The following LARS2 variants were observed in gnomAD, a reference collection of about 807,000 sequenced individuals.
LARS2 encodes leucine--tRNA ligase, mitochondrial.
Under a neutral mutation model 116.6 loss-of-function variants are expected in LARS2, and 81 were observed. That is an observed-to-expected ratio of 0.69 (90% confidence interval 0.58 to 0.84). The LOEUF is 0.84. Among genes scored for constraint, LARS2 ranks in the 40% least tolerant of loss-of-function variants. LARS2 has a pLI of 0.00. For synonymous variants in LARS2, 396 were observed against 407.2 expected, an observed-to-expected ratio of 0.97 and a Z score of 0.33; for missense variants, 968 against 1,114.5, an observed-to-expected ratio of 0.87 and a Z score of 1.87.
At chr3:45,512,647 T>C (rs541456885) in intron 15 of LARS2, among the ~76,000 whole-genome samples, 3 of 152,348 alleles carry the variant, frequency 2.0e-5, no homozygotes, top group South Asian at 2.1e-4. Flanking sequence ...ATCCCACTTA[T>C]ATAAATCCCC....
chr3:45,502,293 CT>C (rs1236036211), intron 15 of LARS2, among the ~76,000 whole-genome samples: 1 of 151,750 alleles, frequency 6.6e-6, no homozygotes, highest in Non-Finnish European at 1.5e-5. Flanking sequence ...GATACTAATC[CT>C]TTTTCAGCTA....
At chr3:45,531,539 G>A (rs184725652) in intron 20 of LARS2, among the ~76,000 whole-genome samples, 392 of 151,554 alleles carry the variant, frequency 2.6e-3, no homozygotes, top group African/African-American at 9.0e-3. Flanking sequence ...CCCTACGCCC[G>A]GCTAATTTTT....
chr3:45,459,088 A>G (rs1699266611), intron 8 of LARS2, among the ~76,000 whole-genome samples: 1 of 152,176 alleles, frequency 6.6e-6, no homozygotes, highest in South Asian at 2.1e-4. Context: ...TAAGTCAAGT[A>G]TAGCACCTAG....
chr3:45,417,610 A>G lies in LARS2; in HGVS notation c.455+37A>G, dbSNP rs747769857. The G allele has an allele frequency of 1.7e-5, 25 of 1,497,282 alleles. No individual in the cohort carries two copies. In the East Asian group the frequency reaches 5.2e-4, roughly 31 times the overall value. 92.7% of individuals were successfully genotyped at this position (1,497,282 alleles called of 1,614,324 possible). A position where few individuals can be genotyped will look rare whatever the true frequency, so the allele number is the denominator to read the frequency against. ...CAGGCATATTCAAATACTTGCATAC[A>G]AAAACCTTTAAAAAATTTTTTTAAC... On this transcript the variant is annotated intron_variant, in intron 5 of 21. Coordinates refer to ENST00000645846, the MANE Select transcript of LARS2 (RefSeq NM_015340.4).
Position 45,538,186 on chromosome 3 carries a change from A to C in LARS2, c.2405-3643A>C, listed in dbSNP as rs549735201. Among the ~76,000 whole-genome samples, 7 of 152,278 alleles carry C rather than the reference A, an allele frequency of 4.6e-5. No homozygotes were observed. In the South Asian group the frequency reaches 1.5e-3, roughly 32 times the overall value. ...CCTCACTGCTGAACAGGATGGCCCC[A>C]CTCCCATCTATATGGAAATGTTGGC... On this transcript the variant is annotated intron_variant, in intron 20 of 21. Transcript: ENST00000645846.
In LARS2 at chr3:45,541,806, G is replaced by A. The variant is rs111807780; in HGVS notation, c.2405-23G>A. On this transcript the variant is annotated intron_variant, in intron 20 of 21. Transcript: ENST00000645846. ...CTCCCTGTTCTTAGAGTGACCCCAC[G>A]CTTCTGTGCCTCGGCATTGCAGGCC... 11,121 of 1,613,458 alleles carry A rather than the reference G, an allele frequency of 6.9e-3. 521 individuals carry two copies. The African/African-American group carries it at 0.12, about 17-fold the overall frequency.
chr3:45,524,587 G>C (rs1700506866), intron 20 of LARS2, among the ~76,000 whole-genome samples: 6 of 152,096 alleles, frequency 3.9e-5, no homozygotes, highest in Admixed American at 2.6e-4. Context: ...CACATCATTG[G>C]GACTGTTAGC....
chr3:45,498,939 TC>T (rs1364759967), intron 14 of LARS2, among the ~76,000 whole-genome samples: 2 of 152,164 alleles, frequency 1.3e-5, no homozygotes, highest in Admixed American at 1.3e-4. Flanking sequence ...CAATATACAG[TC>T]TCTAGCTGAG....
chr3:45,429,718 T>TTTTTTTTC lies in LARS2; in HGVS notation c.516+9990_516+9991insTTTTTTCT, dbSNP rs1272652354. On this transcript the variant is annotated intron_variant, in intron 6 of 21. Transcript: ENST00000645846. ...TTCTGCTTTTTTTTTTTTTTTTTTT[T>TTTTTTTTC]TGAGATAGGGTTTTGCTCTGTCGCC... Among the ~76,000 whole-genome samples, 12 of 150,196 alleles carry TTTTTTTTC rather than the reference T, an allele frequency of 8.0e-5. 1 individual carries two copies. The highest frequency in any genetic ancestry group is 2.9e-4 in the African/African-American group (12 of 40,774).
intron 7 of LARS2, among the ~76,000 whole-genome samples, chr3:45,455,933 AT>A (rs1261246067): frequency 6.6e-6 from 1 of 152,088 alleles, no homozygotes; most frequent in Non-Finnish European, 1.5e-5. Context: ...TACATGTGGA[AT>A]CCTAAAAAAC....
intron 4 of LARS2, among the ~76,000 whole-genome samples, chr3:45,415,842 C>T (rs1698404368): frequency 8.7e-6 from 1 of 114,420 alleles, no homozygotes; most frequent in South Asian, 2.7e-4. Context: ...AGCAAGACTC[C>T]ATCTCAAAAA....
intron 4 of LARS2, among the ~76,000 whole-genome samples, chr3:45,401,733 G>A (rs139292651): frequency 6.6e-6 from 1 of 152,198 alleles, no homozygotes; most frequent in Non-Finnish European, 1.5e-5. Context: ...TTCCGACTCT[G>A]TCTCCCAAGT....
At chr3:45,475,177 G>A (rs1377251616) in intron 9 of LARS2, among the ~76,000 whole-genome samples, 1 of 152,166 alleles carries the variant, frequency 6.6e-6, no homozygotes, top group African/African-American at 2.4e-5. Context: ...TTTAGGAGGA[G>A]GAAGCAGCAG....
chr3:45,403,338 C>T (rs552939321), intron 4 of LARS2, among the ~76,000 whole-genome samples: 41 of 151,436 alleles, frequency 2.7e-4, no homozygotes, highest in Non-Finnish European at 5.0e-4. Context: ...TTTTTTGAGG[C>T]GGATCTTCGC....
Position 45,419,723 on chromosome 3 carries a change from G to C in LARS2, c.510G>C (p.Trp170Cys), listed in dbSNP as rs1372457799. The C allele has an allele frequency of 6.2e-7, 1 of 1,613,060 alleles. No homozygotes were observed. ...QLDRLGLCFS[W>C]DREITTCLPD... ...ATCGTCTGGGCCTGTGTTTCAGCTG[G>C]GATAGGGTAAGTCAACTCTTTTTCC... The change falls in exon 6 of 22, where the codon TGG (tryptophan) becomes TGC (cysteine). Residue 170 changes from tryptophan to cysteine, a missense_variant. By Grantham distance (215) the Trp-to-Cys change is radical. Coordinates refer to ENST00000645846, the MANE Select transcript of LARS2 (RefSeq NM_015340.4).
chr3:45,453,186 T>C (rs1014977196), intron 7 of LARS2, among the ~76,000 whole-genome samples: 11 of 152,206 alleles, frequency 7.2e-5, no homozygotes, highest in Non-Finnish European at 1.5e-4. Flanking sequence ...CTGATCTTTA[T>C]TATTTCGTTC....
At chr3:45,451,492 T>C (rs1000192222) in intron 7 of LARS2, among the ~76,000 whole-genome samples, 2 of 152,190 alleles carry the variant, frequency 1.3e-5, no homozygotes, top group African/African-American at 4.8e-5. Context: ...TTAGAAACTT[T>C]GTCAAAAATG....
intron 15 of LARS2, among the ~76,000 whole-genome samples, chr3:45,507,992 G>T (rs1057394023): frequency 6.6e-6 from 1 of 152,022 alleles, no homozygotes; most frequent in Admixed American, 6.6e-5. Context: ...AAGAGAGGGG[G>T]CACATTAGAG....
rs1698120088 is a variant in LARS2, at chr3:45,400,230, G to A, written c.235-15G>A. 6.2e-7 allele frequency: 1 copy of A among 1,610,928 alleles called. No homozygotes were observed. ...AGAAAATGCTTAATAAATACTCATT[G>A]TCGTTCTTTCCTAGAAATCGAAGCC... On this transcript the variant is annotated splice_polypyrimidine_tract_variant and intron_variant, in intron 3 of 21. Transcript: ENST00000645846.
Sources: gnomAD v4.1 joint callset for allele counts (sites outside exome capture counted in the v4.1 genomes callset) on GRCh38, gnomAD v4.1.1 for gene constraint, MANE v1.5 for transcripts, NCBI Gene and HGNC (gene_info 2026-07-23, HGNC 2026-07-21) for gene names.